Variants in ARHGAP44 observed in about 807,000 individuals in gnomAD.
ARHGAP44 encodes Rho GTPase activating protein 44, also known as rho GTPase-activating protein 44.
Under a neutral mutation model 106.8 loss-of-function variants are expected in ARHGAP44, and 43 were observed. The observed-to-expected ratio is 0.40, with a 90% CI of 0.32 to 0.52. ARHGAP44 has a LOEUF of 0.52. Among genes scored for constraint, ARHGAP44 ranks in the 20% least tolerant of loss-of-function variants. ARHGAP44 has a pLI of 0.48. For missense variants in ARHGAP44, 866 were observed against 1,050.5 expected (o/e 0.82, Z 2.43); for synonymous variants, 439 against 410.3 (o/e 1.07, Z -0.85).
At chr17:12,871,448 G>C (rs1301610517) in intron 1 of ARHGAP44, among the ~76,000 whole-genome samples, 1 of 152,160 alleles carries the variant, frequency 6.6e-6, no homozygotes, top group African/African-American at 2.4e-5. Context: ...GTGTGGCTGG[G>C]AAGGCCTCAG....
At chr17:12,933,537 A>G (rs1209090248) in intron 7 of ARHGAP44, among the ~76,000 whole-genome samples, 1 of 152,170 alleles carries the variant, frequency 6.6e-6, no homozygotes. Flanking sequence ...CCAACTCTTC[A>G]CAAGTGGTAC....
intron 1 of ARHGAP44, among the ~76,000 whole-genome samples, chr17:12,879,019 TG>T (rs961043771): frequency 6.6e-6 from 1 of 152,144 alleles, no homozygotes; most frequent in African/African-American, 2.4e-5. Flanking sequence ...GGGGAACAGG[TG>T]GTGTTTGGTT....
chr17:12,858,710 T>C (rs2035979852), intron 1 of ARHGAP44, among the ~76,000 whole-genome samples: 1 of 152,150 alleles, frequency 6.6e-6, no homozygotes, highest in Non-Finnish European at 1.5e-5. Flanking sequence ...GATGACTAAA[T>C]TGAGATGAGG....
intron 1 of ARHGAP44, among the ~76,000 whole-genome samples, chr17:12,839,315 G>T (rs151120509): frequency 6.6e-6 from 1 of 152,118 alleles, no homozygotes; most frequent in African/African-American, 2.4e-5. Flanking sequence ...AGTGTCCCTC[G>T]CTCTTCCAAG....
At position 12,915,926 on chromosome 17, in the gene ARHGAP44, C is replaced by T. The variant is rs199982507; in HGVS notation, c.302C>T (p.Thr101Met). The change falls in exon 5 of 21, where the codon ACG (threonine) becomes ATG (methionine). Residue 101 changes from threonine (T) to methionine (M), a missense_variant. Around this residue, in one of 2 missense-constraint regions of ARHGAP44, gnomAD observed 448 missense variants for 646.9 expected, o/e 0.69. Transcript: ENST00000379672. ...AAGATGCTGAAACTCTGTGGAGAGA[C>T]GGAGGACAAGCTGGCTCAGGAGCTG... ...LGKMLKLCGE[T>M]EDKLAQELIH... is the part of the protein sequence containing the mutation. 73 of 1,613,662 alleles carry T rather than the reference C, an allele frequency of 4.5e-5. No homozygotes were observed. Among genetic ancestry groups the T allele is most frequent in the Middle Eastern group, 1.6e-4 (1 of 6,084 alleles).
chr17:12,795,976 T>A (rs920398476), intron 1 of ARHGAP44, among the ~76,000 whole-genome samples: 35 of 152,294 alleles, frequency 2.3e-4, no homozygotes, highest in African/African-American at 8.4e-4. Context: ...TTCAATTTAC[T>A]TTTTTTAACC....
At chr17:12,873,527 C>T (rs1244750451) in intron 1 of ARHGAP44, among the ~76,000 whole-genome samples, 1 of 152,186 alleles carries the variant, frequency 6.6e-6, no homozygotes, top group Admixed American at 6.5e-5. Flanking sequence ...TAAAACTAAT[C>T]TTAAAATGTG....
chr17:12,798,762 CT>C (rs1331447071), intron 1 of ARHGAP44, among the ~76,000 whole-genome samples: 1 of 151,990 alleles, frequency 6.6e-6, no homozygotes, highest in African/African-American at 2.4e-5. Context: ...GTTCAATGTT[CT>C]TTTTGTTCCT....
At chr17:12,856,062 C>T (rs544808622) in intron 1 of ARHGAP44, among the ~76,000 whole-genome samples, 15 of 152,310 alleles carry the variant, frequency 9.8e-5, no homozygotes, top group Non-Finnish European at 1.8e-4. Context: ...AGCCGGTATC[C>T]CCGCAATGGG....
At chr17:12,986,697 AAAAAAGAAT>A (rs1253308722) in intron 20 of ARHGAP44, 2,648 of 148,392 alleles carry the variant, frequency 0.018, 153 homozygotes, top group Non-Finnish European at 0.027. Context: ...AAAAAAAAAA[AAAAAAGAAT>A]GAGCAGAAGA....
At chr17:12,846,357 A>C (rs559373369) in intron 1 of ARHGAP44, among the ~76,000 whole-genome samples, 2 of 152,288 alleles carry the variant, frequency 1.3e-5, no homozygotes, top group Non-Finnish European at 2.9e-5. Context: ...CCATCTATTA[A>C]CAGTTACAAT....
chr17:12,974,819 TG>T (rs779519888), intron 18 of ARHGAP44, among the ~76,000 whole-genome samples: 2 of 151,914 alleles, frequency 1.3e-5, no homozygotes, highest in Non-Finnish European at 2.9e-5. Context: ...AAGCATATGC[TG>T]TAATAAAATT....
intron 1 of ARHGAP44, among the ~76,000 whole-genome samples, chr17:12,816,067 A>G (rs1337359574): frequency 6.6e-6 from 1 of 152,096 alleles, no homozygotes; most frequent in East Asian, 1.9e-4. Flanking sequence ...TGAAAGGGGA[A>G]GTGAGATTAT....
In ARHGAP44 at chr17:12,949,749, G is replaced by C. The variant is rs747989058; in HGVS notation, c.1055+19G>C. ...CTTCCAAGTGAGTACCCCTTGTTTTGGAATGTCCTGTGAGTTACAGTTTAT... is the reference window on the plus strand; with the variant it reads ...CTTCCAAGTGAGTACCCCTTGTTTTCGAATGTCCTGTGAGTTACAGTTTAT... On this transcript the variant is annotated intron_variant, in intron 12 of 20. Transcript: ENST00000379672. The surrounding 1 kb of genome is among the most constrained non-coding windows in gnomAD (Gnocchi z 4.1). 3 of 1,603,648 alleles carry C rather than the reference G, an allele frequency of 1.9e-6. No homozygotes were observed. Among genetic ancestry groups the C allele is most frequent in the Non-Finnish European group, 1.7e-6 (2 of 1,170,986 alleles).
chr17:12,952,700 G>T (rs2039021478), intron 13 of ARHGAP44, 119 bp downstream of exon 13: 3 of 516,862 alleles, frequency 5.8e-6, no homozygotes, highest in Non-Finnish European at 1.0e-5. Context: ...GATGTCCAAG[G>T]TATTATTAAC....
Position 12,793,669 on chromosome 17 carries a change from C to T in ARHGAP44, c.53+3778C>T, listed in dbSNP as rs192041768. On this transcript the variant is annotated intron_variant, in intron 1 of 20. Coordinates refer to ENST00000379672, the MANE Select transcript of ARHGAP44 (RefSeq NM_014859.6). ...GTTGCAGTGAGCCAAGCTTGCACCA[C>T]TGTACTCCAGCCTGGGCGACAGAGT... 1.3e-3 allele frequency among the ~76,000 whole-genome samples: 195 copies of T among 151,242 alleles called. 1 individual carries two copies. The highest frequency in any genetic ancestry group is 4.3e-3 in the African/African-American group (175 of 40,978).
intron 7 of ARHGAP44, among the ~76,000 whole-genome samples, chr17:12,934,923 C>T (rs552004618): frequency 6.6e-6 from 1 of 152,268 alleles, no homozygotes; most frequent in East Asian, 1.9e-4. Context: ...ACATGGAGGA[C>T]AGAAGACATC....
chr17:12,838,462 T>A (rs1303854001), intron 1 of ARHGAP44, among the ~76,000 whole-genome samples: 1 of 152,200 alleles, frequency 6.6e-6, no homozygotes, highest in East Asian at 1.9e-4. Flanking sequence ...CGTATTAGCC[T>A]CTGACTGACT....
In ARHGAP44 at chr17:12,974,237, C is replaced by T. The variant is rs768242260; in HGVS notation, c.1690C>T (p.Pro564Ser). Residue 564 changes from proline (P) to serine (S), a missense_variant, in exon 18 of 21, where the codon CCC becomes TCC. Around this residue, in one of 2 missense-constraint regions of ARHGAP44, gnomAD observed 418 missense variants for 403.6 expected, o/e 1.04. Coordinates refer to ENST00000379672, the MANE Select transcript of ARHGAP44 (RefSeq NM_014859.6). ...CCTGCCTTCGCCGCTGCCGGAGCAGCCCCTGGACAGCCCCGCGGCCCCCGC... is the reference window on the plus strand; with the variant it reads ...CCTGCCTTCGCCGCTGCCGGAGCAGTCCCTGGACAGCCCCGCGGCCCCCGC... Reference protein sequence around the residue: ...APLPSPLPEQPLDSPAAPALS... With the variant: ...APLPSPLPEQSLDSPAAPALS... The T allele has an allele frequency of 1.9e-6, 3 of 1,540,778 alleles. No individual in the cohort carries two copies.
Sources: gnomAD v4.1 joint callset for allele counts (sites outside exome capture counted in the v4.1 genomes callset) on GRCh38, gnomAD v4.1.1 for gene constraint, gnomAD v4.1.1 regional missense constraint, Gnocchi (gnomAD v3.1) non-coding constraint, MANE v1.5 for transcripts, NCBI Gene and HGNC (gene_info 2026-07-23, HGNC 2026-07-21) for gene names.